TEAD4: variants seen among roughly 807,000 people sequenced by gnomAD.
TEAD4 encodes transcriptional enhancer factor TEF-3.
A neutral mutation model predicts 52.4 loss-of-function variants in TEAD4; 36 were observed. That is an observed-to-expected ratio of 0.69 (90% CI 0.53 to 0.91). The LOEUF (loss-of-function observed/expected upper bound fraction) is 0.91, where lower values mean the gene tolerates loss of function less well. Ranked by LOEUF, TEAD4 falls within the 40% of genes least tolerant of loss-of-function variation. The pLI is 0.00. For synonymous variants in TEAD4, 220 were observed against 231.0 expected (o/e 0.95, Z 0.43); for missense variants, 508 against 583.9 (o/e 0.87, Z 1.34).
chr12:3,002,501 C>G (rs2098252519), intron 3 of TEAD4, among the ~76,000 whole-genome samples: 1 of 152,214 alleles, frequency 6.6e-6, no homozygotes, highest in African/African-American at 2.4e-5. Context: ...TTCGCATATC[C>G]TCATCAGCGC....
At chr12:3,020,505 C>G in intron 8 of TEAD4, 129 bp from the exon 9 acceptor site, 1 of 1,179,742 alleles carries the variant, frequency 8.5e-7, no homozygotes. Flanking sequence ...CTAGGAGGTC[C>G]ATTTAGGGAG....
intron 4 of TEAD4, among the ~76,000 whole-genome samples, 170 bp downstream of exon 4, chr12:3,011,238 TC>T (rs373055654): frequency 6.6e-5 from 10 of 151,986 alleles, no homozygotes; most frequent in African/African-American, 1.9e-4. Context: ...TCTTTTTCTT[TC>T]TTTTTTCTGA....
intron 3 of TEAD4, among the ~76,000 whole-genome samples, chr12:3,000,437 A>AG (rs2098250719): frequency 6.6e-6 from 1 of 152,060 alleles, no homozygotes; most frequent in Non-Finnish European, 1.5e-5. Context: ...TCCCGTGGCG[A>AG]AGGGGCCGAG....
In TEAD4 at chr12:3,017,481, T is replaced by TA; in HGVS notation, c.439dup (p.Ser147LysfsTer30). ...TCATCTCCGCCACGGCCTTCCACAG[T>TA]AGCATGGCCCTCGCCCGGGGCCCCG... On this transcript the variant is annotated frameshift_variant, in exon 6 of 13. Coordinates refer to ENST00000359864, the MANE Select transcript of TEAD4 (RefSeq NM_003213.4). LOFTEE classifies it high-confidence loss of function. 1 of 1,614,106 alleles carries TA rather than the reference T, an allele frequency of 6.2e-7. No homozygotes were observed. The highest frequency in any genetic ancestry group is 8.5e-7 in the Non-Finnish European group (1 of 1,180,016).
chr12:2,990,337 G>C (rs2098241977), intron 2 of TEAD4, among the ~76,000 whole-genome samples: 1 of 151,882 alleles, frequency 6.6e-6, no homozygotes. Flanking sequence ...TTAAGAATTG[G>C]CTAGAGGTTA....
At chr12:3,011,862 C>T (rs2098260621) in intron 4 of TEAD4, among the ~76,000 whole-genome samples, 1 of 152,064 alleles carries the variant, frequency 6.6e-6, no homozygotes, top group Non-Finnish European at 1.5e-5. Flanking sequence ...AATGGAGTTT[C>T]ACTGTGTTGG....
chr12:3,040,098 G>A lies in TEAD4; in HGVS notation c.1039-9G>A. 6.2e-7 allele frequency: 1 copy of A among 1,613,938 alleles called. No homozygotes were observed. The highest frequency in any genetic ancestry group is 8.5e-7 in the Non-Finnish European group (1 of 1,179,860). On this transcript the variant is annotated splice_polypyrimidine_tract_variant and intron_variant, in intron 11 of 12. Transcript: ENST00000359864. ...GATTCTAAGCCCCTGCTCTCCCCGG[G>A]TCCTGCAGACAGAGTATGCTCGCTA... is the stretch of plus-strand genomic sequence containing the variant.
At chr12:2,979,855 A>G (rs758488180) in intron 2 of TEAD4, among the ~76,000 whole-genome samples, 2 of 152,176 alleles carry the variant, frequency 1.3e-5, no homozygotes, top group African/African-American at 4.8e-5. Context: ...GCAGCGCCCA[A>G]TGCCTGTCAT....
At chr12:2,986,176 C>G (rs577752241) in intron 2 of TEAD4, among the ~76,000 whole-genome samples, 31 of 152,312 alleles carry the variant, frequency 2.0e-4, no homozygotes, top group African/African-American at 7.2e-4. Flanking sequence ...GTATCACTGT[C>G]TTCCACCTGC....
chr12:3,020,896 T>G, intron 9 of TEAD4, 123 bp downstream of exon 9: 3 of 1,093,382 alleles, frequency 2.7e-6, no homozygotes, highest in Non-Finnish European at 3.7e-6. Context: ...CTTTCCGATC[T>G]TCCCTTCTGC....
At chr12:3,023,799 A>AAAG (rs1326198627) in intron 10 of TEAD4, among the ~76,000 whole-genome samples, 1 of 151,368 alleles carries the variant, frequency 6.6e-6, no homozygotes, top group East Asian at 1.9e-4. Flanking sequence ...TCAAAAAAAA[A>AAAG]AAAAAAAGTG....
At chr12:2,974,665 G>C (rs1433120058) in intron 2 of TEAD4, among the ~76,000 whole-genome samples, 1 of 152,160 alleles carries the variant, frequency 6.6e-6, no homozygotes, top group Admixed American at 6.5e-5. Flanking sequence ...GGTCCTGGAA[G>C]GCATTCCCCG....
At chr12:3,036,314 C>T (rs2098279408) in intron 10 of TEAD4, among the ~76,000 whole-genome samples, 2 of 152,130 alleles carry the variant, frequency 1.3e-5, no homozygotes, top group African/African-American at 4.8e-5. Flanking sequence ...AATGCAGGTC[C>T]TTCTCAGCGT....
rs752289021 is a variant in TEAD4 at position 2,968,051 on chromosome 12, C to G, written c.-30+8011C>G. On this transcript the variant is annotated intron_variant, in intron 2 of 12. Transcript: ENST00000359864. The stretch of plus-strand genomic sequence containing the variant: ...CATTTTTGTGGGTCTTCCTCTACCC[C>G]CAACCAGTGATCTGATCTCAAACAT... Among the ~76,000 whole-genome samples the G allele has an allele frequency of 7.3e-5, 11 of 151,454 alleles. No individual in the cohort carries two copies. The South Asian group carries it at 1.7e-3, about 23-fold the overall frequency.
chr12:2,993,927 C>T lies in TEAD4; in HGVS notation c.-29-811C>T, dbSNP rs111388976. 1.9e-3 allele frequency among the ~76,000 whole-genome samples: 290 copies of T among 152,354 alleles called. 1 individual carries two copies. The highest frequency in any genetic ancestry group is 6.1e-3 in the African/African-American group (254 of 41,578). ...GCCTTCCTTTTTAAAGCTCCTATTT[C>T]GCTGTAGGTATACACCACATTTTGT... On this transcript the variant is annotated intron_variant, in intron 2 of 12. Transcript: ENST00000359864.
chr12:2,971,436 G>A (rs1479913684), intron 2 of TEAD4, among the ~76,000 whole-genome samples: 1 of 151,882 alleles, frequency 6.6e-6, no homozygotes, highest in Non-Finnish European at 1.5e-5. Context: ...AGTGGGTTTT[G>A]TTTTTTGCGG....
At chr12:3,032,232 G>T (rs1166735766) in intron 10 of TEAD4, among the ~76,000 whole-genome samples, 2 of 152,210 alleles carry the variant, frequency 1.3e-5, no homozygotes, top group African/African-American at 4.8e-5. Flanking sequence ...TTGGAGGTGG[G>T]GGTTGATGGG....
At chr12:3,008,860 C>T (rs1289983193) in intron 3 of TEAD4, among the ~76,000 whole-genome samples, 1 of 152,130 alleles carries the variant, frequency 6.6e-6, no homozygotes, top group Non-Finnish European at 1.5e-5. Context: ...AACCAAGAAC[C>T]GTATCCCAGA....
At position 3,019,187 on chromosome 12, in the gene TEAD4, T is replaced by C; in HGVS notation, c.583+17T>C. 20 of 1,613,356 alleles carry C rather than the reference T, an allele frequency of 1.2e-5. No individual in the cohort carries two copies. The highest frequency in any genetic ancestry group is 1.7e-5 in the Non-Finnish European group (20 of 1,179,896). On this transcript the variant is annotated intron_variant, in intron 8 of 12. Coordinates refer to ENST00000359864, the MANE Select transcript of TEAD4 (RefSeq NM_003213.4). ...CTCTGCCAGGTGGGTGGGCGCTGCG[T>C]GGCCCCCTTTCTATCGCAGCCATGT...
Sources: allele counts gnomAD v4.1 joint callset (sites outside exome capture counted in the v4.1 genomes callset), GRCh38; gene constraint gnomAD v4.1.1; transcripts MANE v1.5; gene names NCBI Gene and HGNC (gene_info 2026-07-23, HGNC 2026-07-21).